Variants in TRPC6 observed in about 807,000 individuals in gnomAD.
TRPC6 encodes transient receptor potential cation channel subfamily C member 6, also known as short transient receptor potential channel 6.
In TRPC6, 55 loss-of-function variants were observed where a neutral mutation model predicts 90.7. The ratio of observed to expected loss-of-function variants is 0.61; its 90% CI spans 0.49 to 0.76. The LOEUF is 0.76. Ranked by LOEUF, TRPC6 falls within the 30% of genes least tolerant of loss-of-function variation. TRPC6 has a pLI of 0.00. For synonymous variants in TRPC6, 393 were observed against 393.0 expected (o/e 1.00, Z 0.00); for missense variants, 989 against 1,122.7 (o/e 0.88, Z 1.70).
intron 7 of TRPC6, among the ~76,000 whole-genome samples, chr11:101,472,798 C>T (rs1458044075): frequency 6.6e-6 from 1 of 151,850 alleles, no homozygotes; most frequent in East Asian, 1.9e-4. Flanking sequence ...ATGCTTTAGG[C>T]CTAATTATTG....
In TRPC6 at chr11:101,452,633, G is replaced by T; in HGVS notation, c.*322C>A. On this transcript the variant is annotated 3_prime_UTR_variant, in exon 13 of 13. Transcript: ENST00000344327. ...TGGGGAGTAACGTGGGTCAGCCCCT[G>T]TCCGCTGGGACCCATTTTCAGGCAG... The T allele has an allele frequency of 3.4e-6, 1 of 292,620 alleles. No individual in the cohort carries two copies. Among genetic ancestry groups the T allele is most frequent in the South Asian group, 4.0e-5 (1 of 24,788 alleles). The allele number at this position is 292,620 out of a possible 1,614,324, so 18.1% of individuals were successfully genotyped here.
In TRPC6 at chr11:101,513,201, C is replaced by T. The variant is rs564266715; in HGVS notation, c.171-8403G>A. On this transcript the variant is annotated intron_variant, in intron 1 of 12. Transcript: ENST00000344327. ...GATACTCTGACCTCACTCTCCTGCC[C>T]TCTGATGTCCCACAAGTGCCTCTGA... Among the ~76,000 whole-genome samples, 48 of 152,328 alleles carry T rather than the reference C, an allele frequency of 3.2e-4. 1 individual carries two copies. The highest frequency in any genetic ancestry group is 1.1e-3 in the African/African-American group (44 of 41,578).
At chr11:101,511,838 C>G (rs776123605) in intron 1 of TRPC6, among the ~76,000 whole-genome samples, 3 of 151,764 alleles carry the variant, frequency 2.0e-5, no homozygotes, top group Non-Finnish European at 4.4e-5. Context: ...CTAAAAAATA[C>G]AAAAATTAGC....
intron 10 of TRPC6, among the ~76,000 whole-genome samples, chr11:101,463,003 G>C (rs1394969478): frequency 6.6e-6 from 1 of 152,134 alleles, no homozygotes; most frequent in Non-Finnish European, 1.5e-5. Context: ...AGTTTATTGA[G>C]AGTTTTTAGC....
At chr11:101,540,052 A>G (rs1591121569) in intron 1 of TRPC6, among the ~76,000 whole-genome samples, 1 of 152,246 alleles carries the variant, frequency 6.6e-6, no homozygotes. Context: ...CAAATAATTG[A>G]GCGAGTTATA....
At chr11:101,553,448 A>T (rs1183698793) in intron 1 of TRPC6, among the ~76,000 whole-genome samples, 4 of 152,134 alleles carry the variant, frequency 2.6e-5, no homozygotes, top group Non-Finnish European at 5.9e-5. Context: ...ACCATAGGCT[A>T]AATGCAAATA....
rs201153592 is a variant in TRPC6 at position 101,504,400 on chromosome 11, T to C, written c.569A>G (p.Lys190Arg). Reference sequence around the variant, plus strand: ...CTGGCTAGGGCTGGTTGCTAACCTCTTGCCTTCAGCAAAAGCCGGATGACT... The same window carrying C: ...CTGGCTAGGGCTGGTTGCTAACCTCCTGCCTTCAGCAAAAGCCGGATGACT... ...ILSHPAFAEG[K>R]RLATSPSQSE... is the part of the protein sequence containing the mutation. Residue 190 changes from lysine (K) to arginine (R), a missense_variant, in exon 2 of 13, where the codon AAG becomes AGG. Lys to Arg is a conservative substitution (Grantham distance 26). Transcript: ENST00000344327. The C allele has an allele frequency of 1.2e-5, 20 of 1,614,116 alleles. No individual in the cohort carries two copies. The South Asian group carries it at 1.9e-4, about 15-fold the overall frequency.
At chr11:101,506,105 C>T (rs1257894761) in intron 1 of TRPC6, among the ~76,000 whole-genome samples, 6 of 151,644 alleles carry the variant, frequency 4.0e-5, no homozygotes, top group South Asian at 2.1e-4. Flanking sequence ...TTCATAACTT[C>T]GTGTCTTAAG....
chr11:101,487,782 A>G (rs1254375923), intron 4 of TRPC6, among the ~76,000 whole-genome samples: 2 of 152,174 alleles, frequency 1.3e-5, no homozygotes, highest in Admixed American at 1.3e-4. Flanking sequence ...GAAAATATCT[A>G]TGATGATGGA....
chr11:101,504,355 T>C lies in TRPC6; in HGVS notation c.614A>G (p.Asp205Gly), dbSNP rs762853760. The change falls in exon 2 of 13, where the codon GAT becomes GGT. Residue 205 changes from aspartate (D) to glycine (G), a missense_variant. Transcript: ENST00000344327. ...SPSQSELQQD[D>G]FYAYDEDGTR... is the part of the protein sequence containing the mutation. ...CCCATCTTCATCATAGGCATAAAAA[T>C]CATCTTGCTGGAGTTCAGACTGGCT... 1.9e-6 allele frequency: 3 copies of C among 1,614,052 alleles called. No homozygotes were observed. Among genetic ancestry groups the C allele is most frequent in the Admixed American group, 1.7e-5 (1 of 59,996 alleles).
At chr11:101,500,912 C>A (rs538467635) in intron 2 of TRPC6, among the ~76,000 whole-genome samples, 1 of 152,164 alleles carries the variant, frequency 6.6e-6, no homozygotes, top group Non-Finnish European at 1.5e-5. Flanking sequence ...TTGCATATAT[C>A]TGAAGGAGAA....
At position 101,564,607 on chromosome 11, in the gene TRPC6, A is replaced by G. The variant is rs192561734; in HGVS notation, c.170+18727T>C. On this transcript the variant is annotated intron_variant, in intron 1 of 12. Coordinates refer to ENST00000344327, the MANE Select transcript of TRPC6 (RefSeq NM_004621.6). Reference sequence around the variant, plus strand: ...ACAAATGGAAAGATATTCCATGCTCATGGATTGGAAAAATCGATATTGTTA... The same window carrying G: ...ACAAATGGAAAGATATTCCATGCTCGTGGATTGGAAAAATCGATATTGTTA... 1.9e-3 allele frequency among the ~76,000 whole-genome samples: 285 copies of G among 152,256 alleles called. 3 individuals carry two copies. The highest frequency in any genetic ancestry group is 6.7e-3 in the African/African-American group (279 of 41,568).
intron 1 of TRPC6, among the ~76,000 whole-genome samples, chr11:101,567,514 G>C (rs1236120638): frequency 6.6e-6 from 1 of 152,222 alleles, no homozygotes; most frequent in African/African-American, 2.4e-5. Context: ...TTCGAGCTCT[G>C]ATAAGGGACA....
intron 4 of TRPC6, among the ~76,000 whole-genome samples, chr11:101,483,904 C>T (rs7952474): frequency 2.6e-5 from 4 of 151,892 alleles, no homozygotes; most frequent in Non-Finnish European, 5.9e-5. Context: ...TTATAGTACA[C>T]GATTCATCTC....
At chr11:101,485,004 T>C (rs777201609) in intron 4 of TRPC6, among the ~76,000 whole-genome samples, 3 of 152,048 alleles carry the variant, frequency 2.0e-5, no homozygotes, top group Non-Finnish European at 2.9e-5. Flanking sequence ...ATCCTGTTTA[T>C]AGAATAATGC....
At chr11:101,561,557 G>T (rs1390941444) in intron 1 of TRPC6, among the ~76,000 whole-genome samples, 1 of 151,930 alleles carries the variant, frequency 6.6e-6, no homozygotes, top group African/African-American at 2.4e-5. Flanking sequence ...TGACCCAAGA[G>T]CTCCCTTACT....
chr11:101,478,882 A>C (rs2136683293), intron 5 of TRPC6, among the ~76,000 whole-genome samples: 1 of 152,276 alleles, frequency 6.6e-6, no homozygotes, highest in Middle Eastern at 3.4e-3. Flanking sequence ...TTTTACAAAA[A>C]ACAACCAAAA....
In TRPC6 at chr11:101,478,186, C is replaced by T. The variant is rs115999712; in HGVS notation, c.1511-1652G>A. 3.0e-3 allele frequency among the ~76,000 whole-genome samples: 461 copies of T among 152,298 alleles called. 2 individuals carry two copies. Among genetic ancestry groups the T allele is most frequent in the African/African-American group, 9.5e-3 (393 of 41,560 alleles). On this transcript the variant is annotated intron_variant, in intron 5 of 12. Coordinates refer to ENST00000344327, the MANE Select transcript of TRPC6 (RefSeq NM_004621.6). The stretch of plus-strand genomic sequence containing the variant: ...GCCCCGTCTCTAATTTCCAAGAGCA[C>T]GTCATGTGCCTTTTCTTAAAGCCAG...
intron 7 of TRPC6, among the ~76,000 whole-genome samples, chr11:101,472,715 C>T (rs910423248): frequency 6.6e-6 from 1 of 152,082 alleles, no homozygotes. Context: ...TAATCATATA[C>T]ATCTTAATGG....
Sources: gnomAD v4.1 joint callset for allele counts (sites outside exome capture counted in the v4.1 genomes callset) on GRCh38, gnomAD v4.1.1 for gene constraint, MANE v1.5 for transcripts, NCBI Gene and HGNC (gene_info 2026-07-23, HGNC 2026-07-21) for gene names.